The following PATL1 variants were observed in gnomAD, a reference collection of about 807,000 sequenced individuals.
PATL1 encodes protein PAT1 homolog 1.
A neutral mutation model predicts 100.6 loss-of-function variants in PATL1; 32 were observed. The ratio of observed to expected loss-of-function variants is 0.32; its 90% CI spans 0.24 to 0.43. The LOEUF (loss-of-function observed/expected upper bound fraction) is 0.43, where lower values mean the gene tolerates loss of function less well. PATL1 is among the 20% of genes least tolerant of loss of function. The probability of loss-of-function intolerance (pLI) is 1.00; values close to 1 mark genes in which losing one functional copy is unlikely to be tolerated. For synonymous variants in PATL1, 332 were observed against 330.0 expected (o/e 1.01, Z -0.07); for missense variants, 747 against 949.9 (o/e 0.79, Z 2.81).
In PATL1 at chr11:59,639,045, T is replaced by A; in HGVS notation, c.2291+3A>T. The A allele has an allele frequency of 6.2e-7, 1 of 1,612,814 alleles. No individual in the cohort carries two copies. On this transcript the variant is annotated splice_donor_region_variant and intron_variant, in intron 18 of 18. Transcript: ENST00000300146. ...ATGTGAAACTCTCCTGTTTCAAACT[T>A]ACTGCAGTTTTGTCTCCAGCAAGTT...
intron 15 of PATL1, among the ~76,000 whole-genome samples, chr11:59,645,613 A>G (rs892191453): frequency 6.6e-6 from 1 of 151,942 alleles, no homozygotes; most frequent in Non-Finnish European, 1.5e-5. Context: ...TTATTTACCA[A>G]TTTTCTGAAT....
rs770595708 is a variant in PATL1, at chr11:59,648,217, G to A, written c.1734-304C>T. Among the ~76,000 whole-genome samples the A allele has an allele frequency of 4.8e-5, 6 of 125,936 alleles. No individual in the cohort carries two copies. The South Asian group carries it at 1.2e-3, about 25-fold the overall frequency. 82.6% of individuals were successfully genotyped at this position (125,936 alleles called of 152,430 possible). On this transcript the variant is annotated intron_variant, in intron 14 of 18. Transcript: ENST00000300146. ...TTTTTTTTTTTTGAGACGAAGTCCC[G>A]CTTTGTTACCCAGGCTGGAGTGCAG...
In PATL1 at chr11:59,653,037, A is replaced by C. The variant is rs747311458; in HGVS notation, c.1122-19T>G. ...ATGCTGACTGAAAAACATACACCAC[A>C]TTCATTCCATGTGGGCAAATTAATT... is the stretch of plus-strand genomic sequence containing the variant. On this transcript the variant is annotated intron_variant, in intron 9 of 18. Coordinates refer to ENST00000300146, the MANE Select transcript of PATL1 (RefSeq NM_152716.3). 1 of 1,582,606 alleles carries C rather than the reference A, an allele frequency of 6.3e-7. No individual in the cohort carries two copies. The highest frequency in any genetic ancestry group is 1.3e-5 in the African/African-American group (1 of 74,210).
intron 16 of PATL1, among the ~76,000 whole-genome samples, chr11:59,641,423 A>G (rs1467898357): frequency 2.0e-5 from 3 of 152,190 alleles, no homozygotes; most frequent in African/African-American, 7.2e-5. Flanking sequence ...TTGGGATTCC[A>G]TTCCAACTTT....
In PATL1 at chr11:59,656,032, A is replaced by T. The variant is rs763138601; in HGVS notation, c.737T>A (p.Leu246Gln). The change falls in exon 7 of 19, where the codon CTG becomes CAG. Residue 246 changes from leucine to glutamine, a missense_variant. By Grantham distance (113) the Leu-to-Gln change is moderately radical. Around this residue, in one of 4 missense-constraint regions of PATL1, gnomAD observed 127 missense variants for 116.0 expected, o/e 1.09. Transcript: ENST00000300146. The stretch of plus-strand genomic sequence containing the variant: ...AACACTAGGAGGAAAAGGGTGACCC[A>T]GGAGGGAAGAGTTCTAAGGTAAAAA... Reference protein sequence around the residue: ...QLCSVPNSSLLGHPFPPSVPP... With the variant: ...QLCSVPNSSLQGHPFPPSVPP... The T allele has an allele frequency of 2.8e-5, 40 of 1,436,670 alleles. No individual in the cohort carries two copies. Among genetic ancestry groups the T allele is most frequent in the Admixed American group, 9.6e-5 (4 of 41,528 alleles). 89.0% of individuals were successfully genotyped at this position (1,436,670 alleles called of 1,614,324 possible).
At chr11:59,641,054 C>A (rs948463808) in intron 16 of PATL1, among the ~76,000 whole-genome samples, 4 of 152,032 alleles carry the variant, frequency 2.6e-5, no homozygotes, top group Non-Finnish European at 5.9e-5. Flanking sequence ...CACCTGTAAT[C>A]CCAGCTACTT....
chr11:59,667,991 T>C (rs1861713941), intron 1 of PATL1, among the ~76,000 whole-genome samples: 1 of 152,174 alleles, frequency 6.6e-6, no homozygotes, highest in Non-Finnish European at 1.5e-5. Flanking sequence ...AATGGAAAGA[T>C]TAGGTCAAAG....
chr11:59,647,942 T>C (rs1733675609), intron 14 of PATL1, 29 bp from the exon 15 acceptor site: 2 of 1,573,758 alleles, frequency 1.3e-6, no homozygotes, highest in African/African-American at 1.4e-5. Context: ...CCAGCTTAGG[T>C]CAGCAAGAAC....
intron 16 of PATL1, among the ~76,000 whole-genome samples, chr11:59,640,441 C>A (rs972402635): frequency 6.6e-6 from 1 of 151,608 alleles, no homozygotes; most frequent in Non-Finnish European, 1.5e-5. Flanking sequence ...AAATATGGGA[C>A]GGGCGTGGTG....
chr11:59,657,146 C>T (rs951067719), intron 5 of PATL1: 1 of 984,656 alleles, frequency 1.0e-6, no homozygotes. Context: ...AACAGGACTG[C>T]ACAGGCTCTA....
At chr11:59,662,482 C>T (rs1590704475) in intron 2 of PATL1, among the ~76,000 whole-genome samples, 1 of 151,984 alleles carries the variant, frequency 6.6e-6, no homozygotes, top group African/African-American at 2.4e-5. Context: ...ATGGAAAAAT[C>T]CACTTTAAAT....
chr11:59,653,096 A>ATTT, intron 9 of PATL1, 78 bp from the exon 10 acceptor site: 6 of 1,129,148 alleles, frequency 5.3e-6, no homozygotes, highest in Non-Finnish European at 7.2e-6. Flanking sequence ...AAACCAGGCC[A>ATTT]GTTTTTTTTT....
intron 16 of PATL1, among the ~76,000 whole-genome samples, chr11:59,640,757 G>C (rs1271337842): frequency 6.6e-6 from 1 of 152,056 alleles, no homozygotes; most frequent in Non-Finnish European, 1.5e-5. Context: ...CTGGGGATGG[G>C]CATGGTGGCT....
chr11:59,665,856 CCTGTT>C (rs1483894580), intron 2 of PATL1, among the ~76,000 whole-genome samples: 2 of 148,892 alleles, frequency 1.3e-5, no homozygotes, highest in African/African-American at 2.4e-5. Context: ...TTGTTCTACA[CCTGTT>C]CTAAGTAACA....
intron 2 of PATL1, among the ~76,000 whole-genome samples, chr11:59,664,108 A>T (rs1861658811): frequency 6.6e-6 from 1 of 152,028 alleles, no homozygotes; most frequent in Non-Finnish European, 1.5e-5. Flanking sequence ...CTTTCTAATC[A>T]CCCTTTGGCC....
In PATL1 at chr11:59,649,475, G is replaced by C; in HGVS notation, c.1720C>G (p.Pro574Ala). Residue 574 changes from proline to alanine, a missense_variant, in exon 14 of 19, where the codon CCT becomes GCT. Physicochemically the swap from Pro to Ala is conservative, Grantham distance 27 (BLOSUM62 -1). Transcript: ENST00000300146. ...CACGATGCTTACCTCTCTTGTCCAGGCAATTTCCCCCTTAAGTTGTCATAC... is the reference window on the plus strand; with the variant it reads ...CACGATGCTTACCTCTCTTGTCCAGCCAATTTCCCCCTTAAGTTGTCATAC... ...SMYDNLRGKL[P>A]GQERPSDDHF... 1 of 1,613,794 alleles carries C rather than the reference G, an allele frequency of 6.2e-7. No homozygotes were observed. Among genetic ancestry groups the C allele is most frequent in the Non-Finnish European group, 8.5e-7 (1 of 1,179,826 alleles).
chr11:59,645,353 G>A, intron 15 of PATL1, among the ~76,000 whole-genome samples: 1 of 139,856 alleles, frequency 7.2e-6, no homozygotes. Flanking sequence ...CCCAGTAGGG[G>A]CGGCCAGGCA....
At chr11:59,653,133 TTC>T in intron 9 of PATL1, 115 bp from the exon 10 acceptor site, 8 of 898,892 alleles carry the variant, frequency 8.9e-6, no homozygotes, top group Non-Finnish European at 1.2e-5. Context: ...CCGTTTGCTT[TTC>T]TTAAAAGGGG....
In PATL1 at chr11:59,652,539, C is replaced by A; in HGVS notation, c.1351G>T (p.Gly451Cys). The A allele has an allele frequency of 6.2e-7, 1 of 1,613,912 alleles. No individual in the cohort carries two copies. Among genetic ancestry groups the A allele is most frequent in the Non-Finnish European group, 8.5e-7 (1 of 1,179,870 alleles). ...EKLSAAEEIQ[G>C]DGPKKERTKL... Reference sequence around the variant, plus strand: ...GTGCGCTCCTTCTTAGGGCCATCACCTTGTATTTCTTCAGCAGCTGACAGT... The same window carrying A: ...GTGCGCTCCTTCTTAGGGCCATCACATTGTATTTCTTCAGCAGCTGACAGT... Residue 451 changes from glycine to cysteine, a missense_variant, in exon 11 of 19, where the codon GGT becomes TGT. Physicochemically the swap from Gly to Cys is radical, Grantham distance 159. Transcript: ENST00000300146.
Sources: gnomAD v4.1 joint callset for allele counts (sites outside exome capture counted in the v4.1 genomes callset) on GRCh38, gnomAD v4.1.1 for gene constraint, gnomAD v4.1.1 regional missense constraint, MANE v1.5 for transcripts, NCBI Gene and HGNC (gene_info 2026-07-23, HGNC 2026-07-21) for gene names.